DHRS4: variants seen among roughly 807,000 people sequenced by gnomAD.
DHRS4 encodes dehydrogenase/reductase SDR family member 4.
A neutral mutation model predicts 28.4 loss-of-function variants in DHRS4; 20 were observed. The ratio of observed to expected loss-of-function variants is 0.71; its 90% confidence interval spans 0.50 to 1.02. DHRS4 has a LOEUF of 1.02. Among genes scored for constraint, DHRS4 ranks in the 50% least tolerant of loss-of-function variants. The probability of loss-of-function intolerance (pLI) is 0.00; values close to 1 mark genes in which losing one functional copy is unlikely to be tolerated. For synonymous variants in DHRS4, 144 were observed against 146.4 expected, an observed-to-expected ratio of 0.98 and a Z score of 0.12; for missense variants, 378 against 367.2, an observed-to-expected ratio of 1.03 and a Z score of -0.24.
At chr14:23,968,660 T>A (rs1202399124) in intron 7 of DHRS4, 97 bp from the exon 8 acceptor site, 3 of 1,548,806 alleles carry the variant, frequency 1.9e-6, no homozygotes, top group Non-Finnish European at 2.6e-6. Context: ...AGCCATCTGA[T>A]AATTCTTGAT....
intron 2 of DHRS4, among the ~76,000 whole-genome samples, chr14:23,956,598 CCTTTTTTT>C (rs2033171562): frequency 7.9e-6 from 1 of 127,040 alleles, no homozygotes; most frequent in African/African-American, 4.5e-5. Flanking sequence ...GCCTCCATAT[CCTTTTTTT>C]TTTTTTTTTT....
chr14:23,957,031 A>G (rs2033205093), intron 2 of DHRS4, among the ~76,000 whole-genome samples: 1 of 152,204 alleles, frequency 6.6e-6, no homozygotes, highest in African/African-American at 2.4e-5. Context: ...GGTTATTAGG[A>G]AAGCTAATCT....
chr14:23,957,824 T>C (rs1172297713), intron 2 of DHRS4, among the ~76,000 whole-genome samples: 1 of 149,550 alleles, frequency 6.7e-6, no homozygotes, highest in Non-Finnish European at 1.5e-5. Context: ...GTGCTAGGAT[T>C]ATAGGTGTGA....
intron 3 of DHRS4, among the ~76,000 whole-genome samples, chr14:23,960,265 C>A (rs1204596546): frequency 1.3e-5 from 2 of 152,036 alleles, no homozygotes; most frequent in African/African-American, 2.4e-5. Context: ...TCTCCCCAGG[C>A]TTTTTCCCTG....
chr14:23,959,618 G>T lies in DHRS4; in HGVS notation c.307-284G>T, dbSNP rs796544587. ...AGATCTTAGGGTAGTTTTCAAAAAA[G>T]ATGTTTTAAGAAATAGAAGTTATTT... On this transcript the variant is annotated intron_variant, in intron 2 of 7. Coordinates refer to ENST00000313250, the MANE Select transcript of DHRS4 (RefSeq NM_021004.4). Among the ~76,000 whole-genome samples the T allele has an allele frequency of 1.2e-4, 18 of 151,978 alleles. 1 individual carries two copies. Among genetic ancestry groups the T allele is most frequent in the African/African-American group, 4.4e-4 (18 of 41,358 alleles).
At chr14:23,959,564 A>G (rs1342279029) in intron 2 of DHRS4, among the ~76,000 whole-genome samples, 1 of 152,182 alleles carries the variant, frequency 6.6e-6, no homozygotes, top group East Asian at 1.9e-4. Flanking sequence ...TCTAAAAAAG[A>G]AAGAAGCCAA....
intron 4 of DHRS4, 47 bp from the exon 5 acceptor site, chr14:23,965,885 G>C: frequency 6.2e-7 from 1 of 1,606,686 alleles, no homozygotes. Flanking sequence ...ACGGGCTGAG[G>C]GCACTGGTCC....
In DHRS4 at chr14:23,968,964, T is replaced by C; in HGVS notation, c.*93T>C. ...CTGGCCTTTCCCACCTCTGCTCACC[T>C]TACTGTTCACCTCATCAAATCAGTT... On this transcript the variant is annotated 3_prime_UTR_variant, in exon 8 of 8. Transcript: ENST00000313250. The C allele has an allele frequency of 6.6e-7, 1 of 1,506,180 alleles. No individual in the cohort carries two copies. The highest frequency in any genetic ancestry group is 1.3e-5 in the South Asian group (1 of 76,902). 93.3% of individuals were successfully genotyped at this position (1,506,180 alleles called of 1,614,324 possible). A position where few individuals can be genotyped will look rare whatever the true frequency, so the allele number is the denominator to read the frequency against.
intron 1 of DHRS4, 145 bp downstream of exon 1, chr14:23,954,061 C>T (rs184174050): frequency 1.5e-6 from 2 of 1,319,834 alleles, no homozygotes; most frequent in African/African-American, 3.0e-5. Context: ...ACGTGGTCCG[C>T]CTGAAGCCAC....
rs149083909 is a variant in DHRS4, at chr14:23,953,793, A to G, written c.5A>G (p.His2Arg). ...CCATACTTGCTGGTCTGATCCATGC[A>G]CAAGGCGGGGCTGCTAGGCCTCTGT... Reference protein sequence around the residue: MHKAGLLGLCAR... With the variant: MRKAGLLGLCAR... The change falls in exon 1 of 8, where the codon CAC (histidine) becomes CGC (arginine). Residue 2 changes from histidine to arginine, a missense_variant. By Grantham distance (29) the His-to-Arg change is conservative. Transcript: ENST00000313250. The G allele has an allele frequency of 6.2e-4, 1,005 of 1,613,906 alleles. No individual in the cohort carries two copies. Among genetic ancestry groups the G allele is most frequent in the Non-Finnish European group, 8.2e-4 (973 of 1,179,954 alleles).
In DHRS4 at chr14:23,955,172, A is replaced by T. The variant is rs755333534; in HGVS notation, c.266A>T (p.His89Leu). ...CTGAGCGTGACGGGCACCGTGTGCC[A>T]TGTGGGGAAGGCGGAGGACCGGGAG... Reference protein sequence around the residue: ...EGLSVTGTVCHVGKAEDRERL... With the variant: ...EGLSVTGTVCLVGKAEDRERL... The change falls in exon 2 of 8, where the codon CAT (histidine) becomes CTT (leucine). Residue 89 changes from histidine (H) to leucine (L), a missense_variant. His to Leu is a moderately conservative substitution (Grantham distance 99, BLOSUM62 -3). Transcript: ENST00000313250. The T allele has an allele frequency of 3.7e-6, 6 of 1,613,806 alleles. No individual in the cohort carries two copies. In the Admixed American group the frequency reaches 6.7e-5, roughly 18 times the overall value.
chr14:23,963,603 G>T (rs2033500729), intron 3 of DHRS4, among the ~76,000 whole-genome samples: 1 of 148,348 alleles, frequency 6.7e-6, no homozygotes, highest in African/African-American at 2.6e-5. Context: ...TGGCTAGTTT[G>T]ATCTTCTGTC....
chr14:23,954,259 C>T (rs1043990884), intron 1 of DHRS4: 3 of 242,766 alleles, frequency 1.2e-5, no homozygotes, highest in African/African-American at 6.7e-5. Context: ...ATCTGGATTT[C>T]AAAATACTAT....
chr14:23,957,850 C>T (rs2033238438), intron 2 of DHRS4, among the ~76,000 whole-genome samples: 1 of 149,700 alleles, frequency 6.7e-6, no homozygotes, highest in Non-Finnish European at 1.5e-5. Context: ...CACACCCAGC[C>T]TCATTCATCT....
intron 6 of DHRS4, among the ~76,000 whole-genome samples, chr14:23,966,783 T>G (rs1446457063): frequency 6.6e-6 from 1 of 152,274 alleles, no homozygotes; most frequent in African/African-American, 2.4e-5. Context: ...GAGGGAAGTC[T>G]CTCTCCCCAT....
chr14:23,967,337 GC>G, intron 7 of DHRS4, 71 bp downstream of exon 7: 2 of 1,533,904 alleles, frequency 1.3e-6, no homozygotes, highest in Non-Finnish European at 1.8e-6. Context: ...GCAGCCCACA[GC>G]CCGCTGTCTC....
chr14:23,955,514 A>G (rs2033100324), intron 2 of DHRS4, among the ~76,000 whole-genome samples: 1 of 152,220 alleles, frequency 6.6e-6, no homozygotes, highest in Non-Finnish European at 1.5e-5. Context: ...GTTCCCACCC[A>G]TGAGTTAATA....
chr14:23,958,154 G>C (rs946683516), intron 2 of DHRS4, among the ~76,000 whole-genome samples: 1 of 151,986 alleles, frequency 6.6e-6, no homozygotes, highest in African/African-American at 2.4e-5. Flanking sequence ...AAGGGTGCAA[G>C]AAAGTATTAA....
intron 3 of DHRS4, among the ~76,000 whole-genome samples, chr14:23,961,432 G>A (rs116220441): frequency 0.036 from 3,697 of 103,864 alleles, 245 homozygotes; most frequent in African/African-American, 0.17. Context: ...TTCTTAAACC[G>A]TCTTTTCTTC....
Sources: gnomAD v4.1 joint callset for allele counts (sites outside exome capture counted in the v4.1 genomes callset) on GRCh38, gnomAD v4.1.1 for gene constraint, MANE v1.5 for transcripts, NCBI Gene and HGNC (gene_info 2026-07-23, HGNC 2026-07-21) for gene names.